Variants in PP2D1 observed in about 807,000 individuals in gnomAD.
PP2D1 encodes protein phosphatase 2C like domain containing 1.
A neutral mutation model predicts 30.2 loss-of-function variants in PP2D1; 25 were observed. The observed-to-expected ratio is 0.83, with a 90% CI of 0.60 to 1.16. The LOEUF is 1.16. PP2D1 is among the 50% of genes most tolerant of loss of function. PP2D1 has a pLI of 0.00. For synonymous variants in PP2D1, 260 were observed against 258.9 expected (o/e 1.00, Z -0.04); for missense variants, 760 against 742.4 (o/e 1.02, Z -0.28).
chr3:19,987,040 A>G (rs1697048141), intron 2 of PP2D1, among the ~76,000 whole-genome samples: 1 of 147,436 alleles, frequency 6.8e-6, no homozygotes. Flanking sequence ...TCTGCCTCAA[A>G]AAAAAAAAAA....
chr3:19,986,558 T>A (rs2125137006), intron 2 of PP2D1, among the ~76,000 whole-genome samples: 1 of 152,346 alleles, frequency 6.6e-6, no homozygotes, highest in African/African-American at 2.4e-5. Flanking sequence ...GATTTTTAAA[T>A]GTTTTTAAGA....
intron 2 of PP2D1, among the ~76,000 whole-genome samples, chr3:19,995,557 T>G (rs532568925): frequency 6.6e-6 from 1 of 152,326 alleles, no homozygotes; most frequent in East Asian, 1.9e-4. Flanking sequence ...ACCAAGTTCG[T>G]GGTAACTTGT....
chr3:20,001,753 A>T lies in PP2D1; in HGVS notation c.367T>A (p.Phe123Ile). ...ATGCTCTGTAGGGTTTTTTCAGTGA[A>T]CATAAAAGATGACAATAGTTTAGAA... ...MISKLLSSFM[F>I]TEKTLQSINN... The change falls in exon 2 of 3, where the codon TTC becomes ATC. Residue 123 changes from phenylalanine to isoleucine, a missense_variant. Physicochemically the swap from Phe to Ile is conservative, Grantham distance 21 (BLOSUM62 0). Around this residue, in one of 3 missense-constraint regions of PP2D1, gnomAD observed 374 missense variants for 388.8 expected, o/e 0.96. Coordinates refer to ENST00000389050, the MANE Select transcript of PP2D1 (RefSeq NM_001252657.2). 1 of 1,531,420 alleles carries T rather than the reference A, an allele frequency of 6.5e-7. No homozygotes were observed. The allele number at this position is 1,531,420 out of a possible 1,614,324, so 94.9% of individuals were successfully genotyped here.
intron 1 of PP2D1, among the ~76,000 whole-genome samples, chr3:20,003,236 A>G (rs902344954): frequency 6.6e-6 from 1 of 152,004 alleles, no homozygotes; most frequent in African/African-American, 2.4e-5. Flanking sequence ...CAGGCCCTCC[A>G]GGAGGTATTC....
downstream of PP2D1, chr3:19,983,804 A>G (rs761318666): frequency 1.1e-5 from 17 of 1,606,590 alleles, no homozygotes; most frequent in Non-Finnish European, 1.4e-5. Context: ...CCAACCAGGA[A>G]TCAGTGTTGT....
rs1478129198 is a variant in PP2D1, at chr3:19,986,039, C to T, written c.1234G>A (p.Gly412Arg). The T allele has an allele frequency of 6.5e-7, 1 of 1,536,042 alleles. No homozygotes were observed. The highest frequency in any genetic ancestry group is 2.0e-5 in the Admixed American group (1 of 50,988). The change falls in exon 3 of 3, where the codon GGG becomes AGG. Residue 412 changes from glycine to arginine, a missense_variant. Gly to Arg is a moderately radical substitution (Grantham distance 125). This residue lies in a region of PP2D1 where 369 missense variants were observed against 316.2 expected (regional missense o/e 1.17). Transcript: ENST00000389050. Reference protein sequence around the residue: ...SSNEPYGLVEGQVKTTRGLGF... With the variant: ...SSNEPYGLVERQVKTTRGLGF... ...AGTCCTCGTGTAGTTTTTACTTGCC[C>T]CTCTACAAGCCCGTATGGTTCATTT...
chr3:19,981,140 A>G (rs1255038725), downstream of PP2D1, among the ~76,000 whole-genome samples: 1 of 152,172 alleles, frequency 6.6e-6, no homozygotes, highest in East Asian at 1.9e-4. Flanking sequence ...CCTCCCCTCA[A>G]AAAATGAATT....
rs866003720 is a variant in PP2D1 at position 19,986,051 on chromosome 3, C to T, written c.1222G>A (p.Gly408Arg). 7.8e-6 allele frequency: 12 copies of T among 1,535,930 alleles called. No homozygotes were observed. The highest frequency in any genetic ancestry group is 4.9e-5 in the East Asian group (2 of 40,916). Residue 408 changes from glycine to arginine, a missense_variant, in exon 3 of 3, where the codon GGG (glycine) becomes AGG (arginine). Gly to Arg is a moderately radical substitution (Grantham distance 125). This residue lies in a region of PP2D1 where 369 missense variants were observed against 316.2 expected (regional missense o/e 1.17). Coordinates refer to ENST00000389050, the MANE Select transcript of PP2D1 (RefSeq NM_001252657.2). Reference protein sequence around the residue: ...GAVISSNEPYGLVEGQVKTTR... With the variant: ...GAVISSNEPYRLVEGQVKTTR... ...GTTTTTACTTGCCCCTCTACAAGCCCGTATGGTTCATTTGAACTAATGACT... is the reference window on the plus strand; with the variant it reads ...GTTTTTACTTGCCCCTCTACAAGCCTGTATGGTTCATTTGAACTAATGACT...
intron 2 of PP2D1, among the ~76,000 whole-genome samples, chr3:19,998,365 C>A (rs1697209614): frequency 6.6e-6 from 1 of 150,518 alleles, no homozygotes; most frequent in South Asian, 2.1e-4. Flanking sequence ...CAGTTAGAGA[C>A]AAGGAATAAG....
At chr3:20,004,885 T>C (rs1236657930) in intron 1 of PP2D1, among the ~76,000 whole-genome samples, 1 of 151,942 alleles carries the variant, frequency 6.6e-6, no homozygotes, top group Non-Finnish European at 1.5e-5. Flanking sequence ...GGCAGGGAGA[T>C]CACTTGAGGC....
intron 2 of PP2D1, among the ~76,000 whole-genome samples, chr3:19,988,315 C>G (rs1423976672): frequency 6.6e-6 from 1 of 152,142 alleles, no homozygotes; most frequent in African/African-American, 2.4e-5. Flanking sequence ...AGGGGGAGGT[C>G]TCTGAAATGG....
At chr3:20,011,823 GTTAA>G (rs10607560) in intron 1 of PP2D1, among the ~76,000 whole-genome samples, 28,311 of 151,286 alleles carry the variant, frequency 0.19, 2,732 homozygotes, top group African/African-American at 0.21. Flanking sequence ...AATAAAATAA[GTTAA>G]TTAATTAATT....
intron 2 of PP2D1, among the ~76,000 whole-genome samples, chr3:19,990,004 CTT>C (rs995532054): frequency 6.7e-6 from 1 of 148,564 alleles, no homozygotes; most frequent in African/African-American, 2.5e-5. Flanking sequence ...CACTATTTGC[CTT>C]TTTTTTTTCC....
downstream of PP2D1, among the ~76,000 whole-genome samples, chr3:19,982,654 G>T (rs1395787935): frequency 3.3e-5 from 5 of 151,856 alleles, no homozygotes; most frequent in Non-Finnish European, 7.4e-5. Context: ...TTCAAGACCA[G>T]CCTAGGCAAC....
intron 1 of PP2D1, among the ~76,000 whole-genome samples, chr3:20,002,609 C>A (rs1309526733): frequency 6.6e-6 from 1 of 152,084 alleles, no homozygotes; most frequent in Admixed American, 6.6e-5. Context: ...TACTGTGCTG[C>A]CAGTCAAATA....
At position 20,001,494 on chromosome 3, in the gene PP2D1, C is replaced by G; in HGVS notation, c.626G>C (p.Gly209Ala). Residue 209 changes from glycine (G) to alanine (A), a missense_variant, in exon 2 of 3, where the codon GGA (glycine) becomes GCA (alanine). Physicochemically the swap from Gly to Ala is moderately conservative, Grantham distance 60. Coordinates refer to ENST00000389050, the MANE Select transcript of PP2D1 (RefSeq NM_001252657.2). ...CTCTGCCGCTGAGGCACCGTGATGT[C>G]CATCAAACAAACCAAAAAAACACAC... ...PNVCFFGLFD[G>A]HHGASAAELT... 1 of 1,536,076 alleles carries G rather than the reference C, an allele frequency of 6.5e-7. No homozygotes were observed. The highest frequency in any genetic ancestry group is 8.7e-7 in the Non-Finnish European group (1 of 1,146,812).
At chr3:19,995,758 A>T (rs954996470) in intron 2 of PP2D1, among the ~76,000 whole-genome samples, 14 of 152,220 alleles carry the variant, frequency 9.2e-5, no homozygotes, top group East Asian at 5.8e-4. Context: ...ATGATTTTTT[A>T]AAAGTAGTAT....
intron 2 of PP2D1, among the ~76,000 whole-genome samples, chr3:20,000,274 T>C (rs1415699089): frequency 6.6e-6 from 1 of 152,192 alleles, no homozygotes; most frequent in Non-Finnish European, 1.5e-5. Flanking sequence ...ATCAAAGTTA[T>C]TGTAAGACTA....
chr3:20,012,245 T>TAG lies in PP2D1; in HGVS notation c.-175_-174dup. ...GGTGGGCATTCCCCTCACTTGATGG[T>TAG]AGAGCTCCCTGTGTGGAATGTTCAC... On this transcript the variant is annotated 5_prime_UTR_variant, in exon 1 of 3. Coordinates refer to ENST00000389050, the MANE Select transcript of PP2D1 (RefSeq NM_001252657.2). The TAG allele has an allele frequency of 1.6e-6, 1 of 612,432 alleles. No homozygotes were observed. Among genetic ancestry groups the TAG allele is most frequent in the Non-Finnish European group, 2.9e-6 (1 of 345,724 alleles). 37.9% of individuals were successfully genotyped at this position (612,432 alleles called of 1,614,324 possible).
Sources: gnomAD v4.1 joint callset for allele counts (sites outside exome capture counted in the v4.1 genomes callset) on GRCh38, gnomAD v4.1.1 for gene constraint, gnomAD v4.1.1 regional missense constraint, MANE v1.5 for transcripts, NCBI Gene and HGNC (gene_info 2026-07-23, HGNC 2026-07-21) for gene names.